Variants in ATG5 observed in about 807,000 individuals in gnomAD.
ATG5 encodes autophagy related 5, also known as autophagy protein 5.
ATG5 carries 14 observed loss-of-function variants against 36.5 expected under a neutral mutation model. The ratio of observed to expected loss-of-function variants is 0.38; its 90% CI spans 0.25 to 0.60. The LOEUF is 0.60. Among genes scored for constraint, ATG5 ranks in the 20% least tolerant of loss-of-function variants. ATG5 has a pLI of 0.60. For missense variants in ATG5, 195 were observed against 326.7 expected, an observed-to-expected ratio of 0.60 and a Z score of 3.11; for synonymous variants, 95 against 101.5, an observed-to-expected ratio of 0.94 and a Z score of 0.38.
In ATG5 at chr6:106,244,276, G is replaced by C. The variant is rs1056666522; in HGVS notation, c.573+3874C>G. Among the ~76,000 whole-genome samples the C allele has an allele frequency of 7.2e-5, 11 of 152,216 alleles. 1 individual carries two copies. In the South Asian group the frequency reaches 2.1e-3, roughly 29 times the overall value. ...CCTTAAGAATAACATGTAGAACAAAGTAGATGACTGAATGATCTTTGTTGA... is the reference window on the plus strand; with the variant it reads ...CCTTAAGAATAACATGTAGAACAAACTAGATGACTGAATGATCTTTGTTGA... On this transcript the variant is annotated intron_variant, in intron 6 of 7. Coordinates refer to ENST00000369076, the MANE Select transcript of ATG5 (RefSeq NM_004849.4).
intron 6 of ATG5, among the ~76,000 whole-genome samples, chr6:106,206,193 T>C (rs1480405835): frequency 7.1e-6 from 1 of 140,332 alleles, no homozygotes; most frequent in East Asian, 2.3e-4. Context: ...AAGAATGGGA[T>C]CAATGCTCTT....
chr6:106,313,384 T>C (rs533613012), intron 2 of ATG5, among the ~76,000 whole-genome samples: 3 of 152,278 alleles, frequency 2.0e-5, no homozygotes, highest in South Asian at 4.1e-4. Context: ...GACACCTGAC[T>C]AAGGATACAT....
At chr6:106,215,470 A>G (rs182023919) in intron 6 of ATG5, among the ~76,000 whole-genome samples, 9 of 152,348 alleles carry the variant, frequency 5.9e-5, no homozygotes, top group African/African-American at 1.7e-4. Context: ...ATTCTACTAA[A>G]GTAACATCAA....
At chr6:106,316,432 C>T (rs1372607012) in intron 1 of ATG5, among the ~76,000 whole-genome samples, 166 bp from the exon 2 acceptor site, 1 of 149,944 alleles carries the variant, frequency 6.7e-6, no homozygotes, top group Non-Finnish European at 1.5e-5. Flanking sequence ...AAGAGTACAA[C>T]AAATTCTAAA....
chr6:106,257,231 T>G (rs1183469735), intron 5 of ATG5, among the ~76,000 whole-genome samples: 1 of 152,162 alleles, frequency 6.6e-6, no homozygotes, highest in African/African-American at 2.4e-5. Flanking sequence ...AGAATACCTC[T>G]TGAAGGACCT....
intron 5 of ATG5, among the ~76,000 whole-genome samples, chr6:106,268,657 A>C: frequency 6.6e-6 from 1 of 152,222 alleles, no homozygotes; most frequent in Admixed American, 6.5e-5. Context: ...CTGGATAGAG[A>C]AAATGTGTCA....
intron 4 of ATG5, 138 bp from the exon 5 acceptor site, chr6:106,279,961 TA>T (rs1277600793): frequency 1.4e-5 from 7 of 508,952 alleles, no homozygotes; most frequent in African/African-American, 2.0e-5. Context: ...CAAAATACTT[TA>T]AAATTTAACT....
At chr6:106,245,305 C>G (rs1778283544) in intron 6 of ATG5, among the ~76,000 whole-genome samples, 1 of 152,196 alleles carries the variant, frequency 6.6e-6, no homozygotes, top group Non-Finnish European at 1.5e-5. Flanking sequence ...AGTTTATCTT[C>G]AAAGAATACC....
chr6:106,319,502 C>G (rs1770983459), intron 1 of ATG5, among the ~76,000 whole-genome samples: 1 of 152,222 alleles, frequency 6.6e-6, no homozygotes. Flanking sequence ...ACTAAACATA[C>G]TATGCACTTT....
rs201259155 is a variant in ATG5 at position 106,263,878 on chromosome 6, G to GAAA, written c.479-15637_479-15635dup. ...AAAGGTAGATAAATCCACAAAGATG[G>GAAA]AAAAAAAAAAAAAAACAGCACAAAA... is the stretch of plus-strand genomic sequence containing the variant. On this transcript the variant is annotated intron_variant, in intron 5 of 7. Coordinates refer to ENST00000369076, the MANE Select transcript of ATG5 (RefSeq NM_004849.4). 5.2e-4 allele frequency among the ~76,000 whole-genome samples: 67 copies of GAAA among 128,700 alleles called. 1 individual carries two copies. The highest frequency in any genetic ancestry group is 1.8e-3 in the African/African-American group (62 of 34,690). The allele number at this position is 128,700 out of a possible 152,430, so 84.4% of individuals were successfully genotyped here.
intron 6 of ATG5, among the ~76,000 whole-genome samples, chr6:106,235,411 C>T (rs745688865): frequency 6.6e-5 from 10 of 152,150 alleles, no homozygotes; most frequent in African/African-American, 1.9e-4. Context: ...GCCCCAATTC[C>T]GCAGGAAGCA....
At chr6:106,265,882 C>G (rs373527409) in intron 5 of ATG5, among the ~76,000 whole-genome samples, 1 of 152,126 alleles carries the variant, frequency 6.6e-6, no homozygotes, top group Admixed American at 6.5e-5. Context: ...TAAATGCCCA[C>G]ATCAGAAAGC....
At chr6:106,314,922 T>C (rs1770784274) in intron 2 of ATG5, among the ~76,000 whole-genome samples, 1 of 152,176 alleles carries the variant, frequency 6.6e-6, no homozygotes, top group Non-Finnish European at 1.5e-5. Context: ...AGTAACAAGA[T>C]TGCCGAACTT....
chr6:106,228,669 G>A (rs1473530835), intron 6 of ATG5, among the ~76,000 whole-genome samples: 2 of 152,080 alleles, frequency 1.3e-5, no homozygotes, highest in East Asian at 1.9e-4. Context: ...ACCTGAACCC[G>A]CAACCATGAA....
chr6:106,301,384 G>A (rs1442802972), intron 3 of ATG5, among the ~76,000 whole-genome samples: 1 of 151,942 alleles, frequency 6.6e-6, no homozygotes, highest in Non-Finnish European at 1.5e-5. Flanking sequence ...AGCAATTAGA[G>A]AGAACAGATA....
intron 6 of ATG5, among the ~76,000 whole-genome samples, chr6:106,240,100 C>G (rs1343979151): frequency 6.6e-6 from 1 of 151,872 alleles, no homozygotes; most frequent in Admixed American, 6.6e-5. Flanking sequence ...TCAAGTAATG[C>G]TCCCACCACA....
At chr6:106,250,160 T>C (rs1025439542) in intron 5 of ATG5, among the ~76,000 whole-genome samples, 2 of 149,538 alleles carry the variant, frequency 1.3e-5, no homozygotes, top group African/African-American at 4.8e-5. Flanking sequence ...ACATCCAGAA[T>C]TACAGTTCAG....
chr6:106,258,433 AG>A (rs1401019519), intron 5 of ATG5, among the ~76,000 whole-genome samples: 2 of 152,288 alleles, frequency 1.3e-5, no homozygotes, highest in East Asian at 3.9e-4. Context: ...AGTGAGAAAT[AG>A]GGAAAAGCTG....
At chr6:106,305,946 C>T (rs1181339344) in intron 3 of ATG5, among the ~76,000 whole-genome samples, 1 of 152,118 alleles carries the variant, frequency 6.6e-6, no homozygotes, top group African/African-American at 2.4e-5. Flanking sequence ...GTTATTCACG[C>T]CTCATATATA....
Sources: gnomAD v4.1 joint callset for allele counts (sites outside exome capture counted in the v4.1 genomes callset) on GRCh38, gnomAD v4.1.1 for gene constraint, MANE v1.5 for transcripts, NCBI Gene and HGNC (gene_info 2026-07-23, HGNC 2026-07-21) for gene names.